CDK5RAP1: variants seen among roughly 807,000 people sequenced by gnomAD.
CDK5RAP1 encodes the protein CDK5RAP1 mitochondrial tRNA methylthiotransferase, also known as mitochondrial tRNA methylthiotransferase CDK5RAP1.
A neutral mutation model predicts 64.5 loss-of-function variants in CDK5RAP1; 62 were observed. The ratio of observed to expected loss-of-function variants is 0.96; its 90% CI spans 0.78 to 1.19. CDK5RAP1 has a LOEUF of 1.19. CDK5RAP1 is among the 50% of genes most tolerant of loss of function. The pLI, the probability that CDK5RAP1 is intolerant of heterozygous loss-of-function variation, is 0.00. For synonymous variants in CDK5RAP1, 250 were observed against 261.9 expected, an observed-to-expected ratio of 0.95 and a Z score of 0.44; for missense variants, 657 against 735.0, an observed-to-expected ratio of 0.89 and a Z score of 1.23.
At chr20:33,396,738 G>C in intron 2 of CDK5RAP1, 23 bp downstream of exon 2, 1 of 1,571,784 alleles carries the variant, frequency 6.4e-7, no homozygotes, top group Non-Finnish European at 8.7e-7. Context: ...GAAGCCCAAA[G>C]GGATAAGCGA....
At chr20:33,385,939 T>C (rs1018870034) in intron 6 of CDK5RAP1, among the ~76,000 whole-genome samples, 169 bp from the exon 7 acceptor site, 26 of 152,248 alleles carry the variant, frequency 1.7e-4, no homozygotes, top group African/African-American at 5.8e-4. Flanking sequence ...CTTTTTTATC[T>C]TTAAAAATTG....
At chr20:33,381,549 C>T (rs1977508) in intron 7 of CDK5RAP1, among the ~76,000 whole-genome samples, 1 of 152,140 alleles carries the variant, frequency 6.6e-6, no homozygotes. Context: ...GCCTCAGCCT[C>T]CTGAGTAGCT....
In CDK5RAP1 at chr20:33,392,240, T is replaced by C. The variant is rs1292330159; in HGVS notation, c.446A>G (p.Glu149Gly). Residue 149 changes from glutamate to glycine, a missense_variant and splice_region_variant, in exon 5 of 14, where the codon GAG becomes GGG. Physicochemically the swap from Glu to Gly is moderately conservative, Grantham distance 98 (BLOSUM62 -2). Coordinates refer to ENST00000346416, the MANE Select transcript of CDK5RAP1 (RefSeq NM_016408.4). ...GTTCCAGATGGTCTGCTCAGCCTTC[T>C]CCCTAGAGAGATCAAAGGAGGCAAG... ...VILLVTCSIR[E>G]KAEQTIWNRL... is the part of the protein sequence containing the mutation. The C allele has an allele frequency of 6.2e-7, 1 of 1,606,132 alleles. No homozygotes were observed. The highest frequency in any genetic ancestry group is 1.3e-5 in the African/African-American group (1 of 74,708).
At chr20:33,368,936 C>T (rs956992394) in intron 11 of CDK5RAP1, among the ~76,000 whole-genome samples, 3 of 151,212 alleles carry the variant, frequency 2.0e-5, no homozygotes, top group Non-Finnish European at 4.4e-5. Context: ...GTCGAGAGAT[C>T]AAGACCATCC....
intron 10 of CDK5RAP1, among the ~76,000 whole-genome samples, chr20:33,372,114 G>A (rs6120243): frequency 6.6e-6 from 1 of 151,920 alleles, no homozygotes; most frequent in Admixed American, 6.6e-5. Context: ...GTTCCCCAAA[G>A]GCATAATCTA....
intron 8 of CDK5RAP1, among the ~76,000 whole-genome samples, chr20:33,378,340 G>A (rs1053737959): frequency 6.6e-6 from 1 of 152,134 alleles, no homozygotes; most frequent in Non-Finnish European, 1.5e-5. Flanking sequence ...ACCAATTTAG[G>A]TCACTTTCTT....
intron 11 of CDK5RAP1, among the ~76,000 whole-genome samples, chr20:33,369,011 G>A (rs546408304): frequency 2.1e-5 from 3 of 145,264 alleles, no homozygotes; most frequent in South Asian, 2.2e-4. Context: ...GTGGTGGCAC[G>A]CACCAGTAAT....
chr20:33,389,160 A>T (rs1029728228), intron 5 of CDK5RAP1, among the ~76,000 whole-genome samples: 29 of 150,118 alleles, frequency 1.9e-4, no homozygotes, highest in African/African-American at 7.2e-4. Flanking sequence ...CCCGGCCGCC[A>T]TCCCGTCTAG....
chr20:33,381,432 ATTG>A (rs1466796587), intron 7 of CDK5RAP1, among the ~76,000 whole-genome samples: 1 of 151,352 alleles, frequency 6.6e-6, no homozygotes, highest in Admixed American at 6.6e-5. Context: ...TGTTGTTGTT[ATTG>A]TTGTTTTTTG....
At chr20:33,392,026 G>C in intron 5 of CDK5RAP1, 116 bp downstream of exon 5, 1 of 684,906 alleles carries the variant, frequency 1.5e-6, no homozygotes, top group Non-Finnish European at 2.6e-6. Flanking sequence ...GAATTGCATG[G>C]GATATATAAG....
intron 7 of CDK5RAP1, among the ~76,000 whole-genome samples, chr20:33,380,137 A>AT (rs1387190058): frequency 2.0e-5 from 3 of 151,080 alleles, no homozygotes; most frequent in African/African-American, 7.4e-5. Context: ...AAAAAATCAG[A>AT]CAAAGGAGAC....
intron 10 of CDK5RAP1, among the ~76,000 whole-genome samples, chr20:33,371,230 G>T (rs920626323): frequency 2.0e-5 from 3 of 152,134 alleles, no homozygotes; most frequent in African/African-American, 7.2e-5. Context: ...GGAGGTCAAG[G>T]CTGCAGTGAA....
At chr20:33,360,598 G>T in intron 12 of CDK5RAP1, 107 bp from the exon 13 acceptor site, 1 of 1,002,296 alleles carries the variant, frequency 1.0e-6, no homozygotes, top group Non-Finnish European at 1.5e-6. Flanking sequence ...CTGACCCACA[G>T]AGCATTCCTT....
At chr20:33,387,070 C>T (rs547135065) in intron 6 of CDK5RAP1, among the ~76,000 whole-genome samples, 29 of 151,846 alleles carry the variant, frequency 1.9e-4, no homozygotes, top group African/African-American at 7.0e-4. Context: ...TTGAGACCAG[C>T]CTGGGCAATA....
chr20:33,387,545 A>C lies in CDK5RAP1; in HGVS notation c.545-12T>G, dbSNP rs1987608567. ...CTCAGCCATGCAGCCTGGAAGGGAA[A>C]AAGAAACAAGCACCTTTCCCCAAAT... On this transcript the variant is annotated splice_polypyrimidine_tract_variant and intron_variant, in intron 5 of 13. Transcript: ENST00000346416. The C allele has an allele frequency of 6.2e-7, 1 of 1,609,676 alleles. No homozygotes were observed.
intron 11 of CDK5RAP1, among the ~76,000 whole-genome samples, chr20:33,369,546 A>G (rs1568686372): frequency 6.6e-6 from 1 of 152,108 alleles, no homozygotes; most frequent in Non-Finnish European, 1.5e-5. Flanking sequence ...CATCTCTCCA[A>G]AACACTAAAA....
At chr20:33,396,222 G>A (rs1467120191) in intron 2 of CDK5RAP1, among the ~76,000 whole-genome samples, 1 of 152,118 alleles carries the variant, frequency 6.6e-6, no homozygotes, top group Non-Finnish European at 1.5e-5. Flanking sequence ...ATGAAAGCAA[G>A]GCTATATTAT....
At chr20:33,370,084 T>C (rs564942422) in intron 11 of CDK5RAP1, among the ~76,000 whole-genome samples, 2 of 152,302 alleles carry the variant, frequency 1.3e-5, no homozygotes, top group Admixed American at 1.3e-4. Context: ...TGAGTTCACT[T>C]GCCTAGGAAA....
intron 5 of CDK5RAP1, among the ~76,000 whole-genome samples, chr20:33,388,162 A>G (rs1184606733): frequency 6.6e-6 from 1 of 152,170 alleles, no homozygotes; most frequent in Non-Finnish European, 1.5e-5. Context: ...GCTGAAATAA[A>G]AAGTATTCTG....
Sources: allele counts gnomAD v4.1 joint callset (sites outside exome capture counted in the v4.1 genomes callset), GRCh38; gene constraint gnomAD v4.1.1; transcripts MANE v1.5; gene names NCBI Gene and HGNC (gene_info 2026-07-23, HGNC 2026-07-21).